GTF2F2: variants seen among roughly 807,000 people sequenced by gnomAD.
GTF2F2 encodes the protein ATP-dependent helicase GTF2F2.
A neutral mutation model predicts 42.2 loss-of-function variants in GTF2F2; 23 were observed. The ratio of observed to expected loss-of-function variants is 0.55; its 90% CI spans 0.39 to 0.77. The LOEUF (loss-of-function observed/expected upper bound fraction) is 0.77. GTF2F2 is among the 30% of genes least tolerant of loss of function. The pLI is 0.00. For missense variants in GTF2F2, 261 were observed against 287.2 expected (o/e 0.91, Z 0.66); for synonymous variants, 105 against 100.8 (o/e 1.04, Z -0.25).
At chr13:45,215,007 A>G (rs559647216) in intron 5 of GTF2F2, among the ~76,000 whole-genome samples, 2 of 152,306 alleles carry the variant, frequency 1.3e-5, no homozygotes, top group African/African-American at 4.8e-5. Flanking sequence ...CCCTTTTCCT[A>G]TAGAAACACA....
chr13:45,129,411 T>G (rs1593444127), intron 1 of GTF2F2, among the ~76,000 whole-genome samples: 1 of 152,062 alleles, frequency 6.6e-6, no homozygotes, highest in Admixed American at 6.6e-5. Context: ...GGTTTTGCAA[T>G]GTTGCCCAGG....
At chr13:45,268,978 A>G (rs891824662) in intron 7 of GTF2F2, among the ~76,000 whole-genome samples, 1 of 152,174 alleles carries the variant, frequency 6.6e-6, no homozygotes, top group Non-Finnish European at 1.5e-5. Context: ...TAACCAGTGG[A>G]TGGACTTAAG....
intron 5 of GTF2F2, among the ~76,000 whole-genome samples, chr13:45,211,490 A>G (rs1481057873): frequency 2.0e-5 from 3 of 151,616 alleles, no homozygotes; most frequent in African/African-American, 4.8e-5. Flanking sequence ...GCTGATCTCA[A>G]ACTCCTAGGC....
intron 5 of GTF2F2, among the ~76,000 whole-genome samples, chr13:45,250,652 G>T (rs990284065): frequency 3.3e-5 from 5 of 152,148 alleles, no homozygotes; most frequent in Non-Finnish European, 7.4e-5. Context: ...CACAGCTGCA[G>T]CCAGAGGCAG....
At chr13:45,134,675 A>C (rs1202238329) in intron 1 of GTF2F2, among the ~76,000 whole-genome samples, 1 of 152,098 alleles carries the variant, frequency 6.6e-6, no homozygotes, top group African/African-American at 2.4e-5. Flanking sequence ...TGAGATATGG[A>C]ATCTTCAAAA....
chr13:45,175,913 GCA>G (rs1871857999), intron 4 of GTF2F2, among the ~76,000 whole-genome samples: 1 of 152,184 alleles, frequency 6.6e-6, no homozygotes, highest in African/African-American at 2.4e-5. Flanking sequence ...ATGAGCCACT[GCA>G]CCTGGCCCAT....
chr13:45,250,840 A>G (rs1187341901), intron 5 of GTF2F2, among the ~76,000 whole-genome samples: 1 of 152,180 alleles, frequency 6.6e-6, no homozygotes, highest in African/African-American at 2.4e-5. Context: ...TAGCTAGTTG[A>G]TTTCTCAGTC....
At chr13:45,186,565 A>C (rs958962507) in intron 4 of GTF2F2, among the ~76,000 whole-genome samples, 1 of 152,072 alleles carries the variant, frequency 6.6e-6, no homozygotes, top group South Asian at 2.1e-4. Flanking sequence ...TGCTGGGATT[A>C]CAGGTGTGAG....
At chr13:45,191,530 T>G (rs950843365) in intron 4 of GTF2F2, among the ~76,000 whole-genome samples, 8 of 151,936 alleles carry the variant, frequency 5.3e-5, no homozygotes, top group Non-Finnish European at 8.8e-5. Flanking sequence ...TTCTTGAGTT[T>G]CTTGAATGGA....
rs527714972 is a variant in GTF2F2 at position 45,150,497 on chromosome 13, T to C, written c.159+709T>C. Among the ~76,000 whole-genome samples, 8 of 152,262 alleles carry C rather than the reference T, an allele frequency of 5.3e-5. No homozygotes were observed. In the South Asian group the frequency reaches 1.5e-3, roughly 28 times the overall value. ...AATAGTTCACTTCATCCCCCCCATC[T>C]GAAGTACAATTGCTTTCTTAATATT... On this transcript the variant is annotated intron_variant, in intron 3 of 7. Transcript: ENST00000340473.
At chr13:45,274,867 G>A (rs1371848148) in intron 7 of GTF2F2, among the ~76,000 whole-genome samples, 2 of 151,808 alleles carry the variant, frequency 1.3e-5, no homozygotes, top group East Asian at 1.9e-4. Context: ...AGCCCAGATC[G>A]TGCCACTGTA....
At chr13:45,200,977 A>T (rs1873155004) in intron 4 of GTF2F2, among the ~76,000 whole-genome samples, 1 of 152,178 alleles carries the variant, frequency 6.6e-6, no homozygotes, top group Admixed American at 6.5e-5. Context: ...CTGGGTTTTT[A>T]CAGGAGCTGG....
At position 45,207,435 on chromosome 13, in the gene GTF2F2, T is replaced by C; in HGVS notation, c.316T>C (p.Leu106=). 3 of 1,601,110 alleles carry C rather than the reference T, an allele frequency of 1.9e-6. No individual in the cohort carries two copies. Among genetic ancestry groups the C allele is most frequent in the Non-Finnish European group, 2.6e-6 (3 of 1,168,346 alleles). ...FTESSSDKLS[L]EGIVVQRAEC... ...TTTTTCCATTCAAGATAAGCTGTCA[T>C]TGGAAGGAATAGTGGTACAAAGAGC... Residue 106 remains leucine (L), a synonymous_variant, in exon 5 of 8, where the codon TTG becomes CTG. Transcript: ENST00000340473.
At chr13:45,168,676 G>T (rs1170442081) in intron 4 of GTF2F2, among the ~76,000 whole-genome samples, 1 of 151,810 alleles carries the variant, frequency 6.6e-6, no homozygotes, top group African/African-American at 2.4e-5. Context: ...GCAGTGCCCC[G>T]ATCTCGGTTC....
At chr13:45,165,806 CTTTTTT>C (rs5803286) in intron 4 of GTF2F2, among the ~76,000 whole-genome samples, 142 of 88,908 alleles carry the variant, frequency 1.6e-3, no homozygotes, top group African/African-American at 6.8e-3. Flanking sequence ...TCAGTACATT[CTTTTTT>C]TTTTTTTTTT....
At chr13:45,271,303 G>A (rs1410791660) in intron 7 of GTF2F2, among the ~76,000 whole-genome samples, 1 of 151,632 alleles carries the variant, frequency 6.6e-6, no homozygotes, top group Non-Finnish European at 1.5e-5. Context: ...GAAAACTAGC[G>A]CTGATTATAA....
At chr13:45,193,759 CTTG>C (rs768681870) in intron 4 of GTF2F2, 48 of 1,544,040 alleles carry the variant, frequency 3.1e-5, no homozygotes, top group Non-Finnish European at 4.0e-5. Context: ...TGGCTGCATG[CTTG>C]TTGCCTTTGT....
intron 4 of GTF2F2, among the ~76,000 whole-genome samples, chr13:45,203,373 C>T (rs531907557): frequency 6.6e-6 from 1 of 152,176 alleles, no homozygotes; most frequent in African/African-American, 2.4e-5. Context: ...GCGTGAGCCA[C>T]TGCACCTGGC....
chr13:45,283,110 C>T (rs1298898027), intron 7 of GTF2F2, among the ~76,000 whole-genome samples: 4 of 152,102 alleles, frequency 2.6e-5, no homozygotes, highest in Non-Finnish European at 4.4e-5. Context: ...CTTGGTGTAC[C>T]GTGTCACACT....
Sources: allele counts gnomAD v4.1 joint callset (sites outside exome capture counted in the v4.1 genomes callset), GRCh38; gene constraint gnomAD v4.1.1; transcripts MANE v1.5; gene names NCBI Gene and HGNC (gene_info 2026-07-23, HGNC 2026-07-21).